The following BNC2 variants were observed in gnomAD, a reference collection of about 807,000 sequenced individuals.
BNC2 encodes the protein zinc finger protein basonuclin-2.
A neutral mutation model predicts 76.3 loss-of-function variants in BNC2; 20 were observed. The observed-to-expected ratio is 0.26, with a 90% CI of 0.18 to 0.38. BNC2 has a LOEUF of 0.38. BNC2 is among the 10% of genes least tolerant of loss of function. The pLI is 1.00. For synonymous variants in BNC2, 582 were observed against 514.8 expected (o/e 1.13, Z -1.77); for missense variants, 1,382 against 1,399.8 (o/e 0.99, Z 0.20).
intron 3 of BNC2, among the ~76,000 whole-genome samples, chr9:16,661,201 T>A (rs1429102881): frequency 6.6e-6 from 1 of 152,202 alleles, no homozygotes; most frequent in East Asian, 1.9e-4. Flanking sequence ...CATTCCTGTA[T>A]CATCAGAAGA....
rs138964001 is a variant in BNC2, at chr9:16,793,522, C to T, written c.4-55037G>A. 6.0e-3 allele frequency among the ~76,000 whole-genome samples: 910 copies of T among 152,152 alleles called. 7 individuals carry two copies. Among genetic ancestry groups the T allele is most frequent in the Non-Finnish European group, 9.2e-3 (625 of 67,998 alleles). ...TTGACAGGGTCTCACTACATCATTA[C>T]CCAGGCTGGCCTCAAGGGATTCTCC... On this transcript the variant is annotated intron_variant, in intron 1 of 6. Transcript: ENST00000380672.
At chr9:16,609,035 G>A (rs945493423) in intron 3 of BNC2, among the ~76,000 whole-genome samples, 1 of 152,110 alleles carries the variant, frequency 6.6e-6, no homozygotes, top group Admixed American at 6.6e-5. Context: ...TTAGCACCTA[G>A]AACACAGCCT....
At position 16,437,319 on chromosome 9, in the gene BNC2, G is replaced by A; in HGVS notation, c.875C>T (p.Thr292Ile). The A allele has an allele frequency of 6.2e-7, 1 of 1,614,170 alleles. No individual in the cohort carries two copies. The highest frequency in any genetic ancestry group is 8.5e-7 in the Non-Finnish European group (1 of 1,180,026). Residue 292 changes from threonine to isoleucine, a missense_variant, in exon 6 of 7, where the codon ACC (threonine) becomes ATC (isoleucine). This residue lies in a region of BNC2 where 557 missense variants were observed against 540.9 expected (regional missense o/e 1.03). Coordinates refer to ENST00000380672, the MANE Select transcript of BNC2 (RefSeq NM_017637.6). ...GTGAGCAAGGAGGCTGGGACTCCTG[G>A]TGCGATTATTGCTCTCAATGAAAGT... ...IRTFIESNNR[T>I]RSPSLLAHLE...
chr9:16,806,499 C>T (rs1817916612), intron 1 of BNC2, among the ~76,000 whole-genome samples: 1 of 152,160 alleles, frequency 6.6e-6, no homozygotes, highest in South Asian at 2.1e-4. Flanking sequence ...TTGATTAAAA[C>T]TTGTTGTCAA....
chr9:16,565,731 C>T (rs1191349484), intron 4 of BNC2, among the ~76,000 whole-genome samples: 1 of 151,596 alleles, frequency 6.6e-6, no homozygotes, highest in African/African-American at 2.4e-5. Context: ...TCACTTGAGC[C>T]TGGGAGGTCG....
intron 1 of BNC2, among the ~76,000 whole-genome samples, chr9:16,812,864 T>C (rs558968349): frequency 1.3e-5 from 2 of 152,298 alleles, no homozygotes; most frequent in East Asian, 3.9e-4. Flanking sequence ...CTTAGTAGTA[T>C]ATTTTAGTGT....
In BNC2 at chr9:16,727,935, C is replaced by T. The variant is rs1008830226; in HGVS notation, c.192G>A (p.Arg64=). The change falls in exon 3 of 7, where the codon AGG becomes AGA. Residue 64 remains arginine, a synonymous_variant. Transcript: ENST00000380672. ...RETQRDREPK[R]ARDLTLRDSC... ...AGTCTCTTAAAGTCAAGTCTCTTGC[C>T]CTCTTTGGCTCTCTGTCTCTCTGTG... The T allele has an allele frequency of 6.2e-7, 1 of 1,613,888 alleles. No homozygotes were observed. Among genetic ancestry groups the T allele is most frequent in the Non-Finnish European group, 8.5e-7 (1 of 1,180,016 alleles).
At chr9:16,678,168 C>T (rs774755763) in intron 3 of BNC2, among the ~76,000 whole-genome samples, 5 of 149,402 alleles carry the variant, frequency 3.3e-5, no homozygotes, top group Non-Finnish European at 4.4e-5. Flanking sequence ...AAGGGAGGGA[C>T]GAAGGGGTGA....
chr9:16,715,177 G>A (rs1005453886), intron 3 of BNC2, among the ~76,000 whole-genome samples: 6 of 152,086 alleles, frequency 3.9e-5, no homozygotes, highest in Middle Eastern at 3.2e-3. Flanking sequence ...CAAATCATGG[G>A]ATTATTTTCA....
chr9:16,471,292 A>ATTTTTTTTTTTTTT (rs34169220), intron 5 of BNC2, among the ~76,000 whole-genome samples: 1 of 133,738 alleles, frequency 7.5e-6, no homozygotes. Flanking sequence ...CTTGCTTTTG[A>ATTTTTTTTTTTTTT]TTTTTTTTTT....
chr9:16,607,811 C>T (rs903737988), intron 3 of BNC2, among the ~76,000 whole-genome samples: 2 of 152,156 alleles, frequency 1.3e-5, no homozygotes, highest in Admixed American at 1.3e-4. Context: ...AGTGACCTAA[C>T]TTATAGATTA....
rs34855187 is a variant in BNC2, at chr9:16,463,294, C to CTTTTTTTTTTTTT, written c.670-25783_670-25771dup. ...ACTGTGAGCATACAAGTATTAAATTCTTTTTTTTTTTTTTTTTTTTGAGAC... is the reference window on the plus strand; with the variant it reads ...ACTGTGAGCATACAAGTATTAAATTCTTTTTTTTTTTTTTTTTTTTTTTTTTTTTTTTTGAGAC... On this transcript the variant is annotated intron_variant, in intron 5 of 6. Transcript: ENST00000380672. 1.8e-3 allele frequency among the ~76,000 whole-genome samples: 186 copies of CTTTTTTTTTTTTT among 105,598 alleles called. 4 individuals carry two copies. Among genetic ancestry groups the CTTTTTTTTTTTTT allele is most frequent in the African/African-American group, 7.4e-3 (175 of 23,520 alleles). 69.3% of individuals were successfully genotyped at this position (105,598 alleles called of 152,430 possible).
intron 1 of BNC2, among the ~76,000 whole-genome samples, chr9:16,857,705 AAAT>A (rs1819299391): frequency 6.6e-6 from 1 of 152,236 alleles, no homozygotes; most frequent in Non-Finnish European, 1.5e-5. Context: ...GATGCTGACT[AAAT>A]AATGAAACTT....
intron 5 of BNC2, among the ~76,000 whole-genome samples, chr9:16,525,017 G>A (rs926069105): frequency 1.3e-5 from 2 of 149,690 alleles, no homozygotes; most frequent in Non-Finnish European, 3.0e-5. Context: ...AAGCTGCAGT[G>A]AGCTGTGATA....
chr9:16,579,645 T>TA (rs1329536989), intron 4 of BNC2: 2 of 152,896 alleles, frequency 1.3e-5, no homozygotes, highest in African/African-American at 4.8e-5. Flanking sequence ...GTCAACAACT[T>TA]ACGCAGCTTT....
intron 1 of BNC2, among the ~76,000 whole-genome samples, chr9:16,850,203 T>A (rs1819096306): frequency 6.6e-6 from 1 of 152,212 alleles, no homozygotes; most frequent in African/African-American, 2.4e-5. Context: ...TTACTTAGAA[T>A]AGAAAAAATT....
chr9:16,811,321 C>G (rs894059247), intron 1 of BNC2, among the ~76,000 whole-genome samples: 1 of 149,926 alleles, frequency 6.7e-6, no homozygotes, highest in Non-Finnish European at 1.5e-5. Context: ...GAGGCCAACG[C>G]GGGTGGATCA....
intron 1 of BNC2, among the ~76,000 whole-genome samples, chr9:16,765,394 G>C (rs915674249): frequency 6.6e-6 from 1 of 151,988 alleles, no homozygotes; most frequent in Non-Finnish European, 1.5e-5. Context: ...GAAATGAAGG[G>C]ATAAAAGCTA....
At chr9:16,562,805 T>C (rs953097950) in intron 4 of BNC2, among the ~76,000 whole-genome samples, 20 of 152,200 alleles carry the variant, frequency 1.3e-4, no homozygotes, top group African/African-American at 4.3e-4. Context: ...ACCGTATTTA[T>C]CAAAGTGATA....
Sources: allele counts gnomAD v4.1 joint callset (sites outside exome capture counted in the v4.1 genomes callset), GRCh38; gene constraint gnomAD v4.1.1; regional missense constraint gnomAD v4.1.1; transcripts MANE v1.5; gene names NCBI Gene and HGNC (gene_info 2026-07-23, HGNC 2026-07-21).